Variants in ENTREP2 observed in about 807,000 individuals in gnomAD.
ENTREP2 encodes the protein endosomal transmembrane epsin interactor 2.
the ENTREP2 span, among the ~76,000 whole-genome samples, chr15:29,434,246 C>G: frequency 6.6e-6 from 1 of 152,204 alleles, no homozygotes; most frequent in East Asian, 1.9e-4. Flanking sequence ...AGTATCTATG[C>G]ATTTCATTGC....
chr15:29,219,106 C>T, the ENTREP2 span, among the ~76,000 whole-genome samples: 3 of 132,408 alleles, frequency 2.3e-5, no homozygotes, highest in Admixed American at 8.1e-5. Context: ...TCAAACAAAT[C>T]AGTAAGAAAA....
the ENTREP2 span, among the ~76,000 whole-genome samples, chr15:29,633,320 T>G: frequency 6.6e-6 from 1 of 151,994 alleles, no homozygotes; most frequent in Non-Finnish European, 1.5e-5. Flanking sequence ...GAGGGAGGGG[T>G]TGGAGGAAAT....
the ENTREP2 span, among the ~76,000 whole-genome samples, chr15:29,466,444 G>A: frequency 6.6e-6 from 1 of 151,106 alleles, no homozygotes; most frequent in South Asian, 2.1e-4. Context: ...ACCCAGGGGA[G>A]GGCCCAGGTG....
At chr15:29,617,822 G>A in the ENTREP2 span, among the ~76,000 whole-genome samples, 2 of 152,196 alleles carry the variant, frequency 1.3e-5, no homozygotes, top group African/African-American at 2.4e-5. Flanking sequence ...GGGGATGCCC[G>A]CTGAGCCTGA....
chr15:29,582,892 C>T, the ENTREP2 span, among the ~76,000 whole-genome samples: 527 of 152,106 alleles, frequency 3.5e-3, 3 homozygotes, highest in African/African-American at 0.012. Flanking sequence ...CCTCATGACC[C>T]GCCCCATTGG....
chr15:29,264,017 T>C, the ENTREP2 span, among the ~76,000 whole-genome samples: 1 of 151,862 alleles, frequency 6.6e-6, no homozygotes, highest in Non-Finnish European at 1.5e-5. Flanking sequence ...TAGCTGGGCA[T>C]GGTGGCGGGT....
the ENTREP2 span, chr15:29,136,585 G>A: frequency 6.9e-7 from 1 of 1,440,502 alleles, no homozygotes; most frequent in Admixed American, 2.7e-5. Context: ...CAGAGCAGGG[G>A]CGGCCAGGGC....
chr15:29,627,856 C>T, the ENTREP2 span, among the ~76,000 whole-genome samples: 3 of 152,300 alleles, frequency 2.0e-5, no homozygotes, highest in East Asian at 1.9e-4. Flanking sequence ...TTCAGTTCAT[C>T]GTATGTATGT....
the ENTREP2 span, among the ~76,000 whole-genome samples, chr15:29,290,595 G>A: frequency 5.9e-3 from 898 of 152,312 alleles, 19 homozygotes; most frequent in Admixed American, 0.037. Flanking sequence ...TGTTATATCC[G>A]TAGGAGCCAG....
At chr15:29,492,990 T>C in the ENTREP2 span, among the ~76,000 whole-genome samples, 1 of 150,372 alleles carries the variant, frequency 6.7e-6, no homozygotes, top group Non-Finnish European at 1.5e-5. Flanking sequence ...GGCGACAGAG[T>C]GAGACTCCGT....
the ENTREP2 span, among the ~76,000 whole-genome samples, chr15:29,134,894 T>C: frequency 1.3e-5 from 2 of 152,214 alleles, no homozygotes; most frequent in South Asian, 4.2e-4. Context: ...TGCTAGGGTG[T>C]CTTTACAGGA....
the ENTREP2 span, among the ~76,000 whole-genome samples, chr15:29,650,531 T>A: frequency 6.6e-6 from 1 of 151,832 alleles, no homozygotes; most frequent in Non-Finnish European, 1.5e-5. Flanking sequence ...AGGCGGAGGC[T>A]GCAGTGAGCC....
the ENTREP2 span, among the ~76,000 whole-genome samples, chr15:29,256,524 C>G: frequency 9.7e-4 from 147 of 152,112 alleles, 1 homozygote; most frequent in Non-Finnish European, 1.5e-3. Flanking sequence ...ATACAACTGC[C>G]GAAAAAAATG....
the ENTREP2 span, among the ~76,000 whole-genome samples, chr15:29,631,460 G>A: frequency 3.3e-5 from 5 of 152,150 alleles, no homozygotes; most frequent in African/African-American, 1.2e-4. Context: ...GTCCAATGAC[G>A]ACTGAGTTTT....
the ENTREP2 span, among the ~76,000 whole-genome samples, chr15:29,316,014 GACAAGGAATACAA>G: frequency 2.0e-5 from 3 of 151,986 alleles, no homozygotes; most frequent in African/African-American, 7.2e-5. Context: ...GGGGTGGGGA[GACAAGGAATACAA>G]ACAGGACAGA....
the ENTREP2 span, among the ~76,000 whole-genome samples, chr15:29,279,204 C>T: frequency 3.1e-4 from 47 of 152,110 alleles, no homozygotes; most frequent in African/African-American, 1.1e-3. Flanking sequence ...CGTGTGCCAC[C>T]GCCACACTGC....
At chr15:29,669,595 C>T in the ENTREP2 span, among the ~76,000 whole-genome samples, 1 of 152,130 alleles carries the variant, frequency 6.6e-6, no homozygotes, top group Non-Finnish European at 1.5e-5. Context: ...TAAGGAATTC[C>T]CCATCACATC....
chr15:29,219,179 G>T, the ENTREP2 span, among the ~76,000 whole-genome samples: 2 of 151,164 alleles, frequency 1.3e-5, no homozygotes, highest in African/African-American at 4.9e-5. Context: ...CTCAAAAGAA[G>T]ATATACAAAT....
chr15:29,545,346 A>C, the ENTREP2 span, among the ~76,000 whole-genome samples: 1 of 152,362 alleles, frequency 6.6e-6, no homozygotes, highest in African/African-American at 2.4e-5. Flanking sequence ...AGGACACAAA[A>C]GGTCAAGAAC....
Sources: allele counts gnomAD v4.1 joint callset (sites outside exome capture counted in the v4.1 genomes callset), GRCh38; gene constraint gnomAD v4.1.1; transcripts MANE v1.5; gene names NCBI Gene and HGNC (gene_info 2026-07-23, HGNC 2026-07-21).